FRMD3: variants seen among roughly 807,000 people sequenced by gnomAD.
FRMD3 encodes the protein FERM domain-containing protein 3.
FRMD3 carries 33 observed loss-of-function variants against 70.2 expected under a neutral mutation model. The ratio of observed to expected loss-of-function variants is 0.47; its 90% CI spans 0.36 to 0.63. The LOEUF (loss-of-function observed/expected upper bound fraction) is 0.63, where lower values mean the gene tolerates loss of function less well. Ranked by LOEUF, FRMD3 falls within the 20% of genes least tolerant of loss-of-function variation. FRMD3 has a pLI of 0.00. For missense variants in FRMD3, 632 were observed against 711.4 expected (o/e 0.89, Z 1.27); for synonymous variants, 279 against 255.9 (o/e 1.09, Z -0.86).
At chr9:83,395,309 G>A (rs867671655) in intron 1 of FRMD3, among the ~76,000 whole-genome samples, 1 of 149,696 alleles carries the variant, frequency 6.7e-6, no homozygotes, top group Non-Finnish European at 1.5e-5. Flanking sequence ...AAAAGACAAA[G>A]AACTCAATTC....
At chr9:83,262,197 T>C (rs1339920367) in intron 13 of FRMD3, among the ~76,000 whole-genome samples, 1 of 152,188 alleles carries the variant, frequency 6.6e-6, no homozygotes, top group African/African-American at 2.4e-5. Flanking sequence ...CAACTGTACA[T>C]AGGAACATCG....
intron 1 of FRMD3, among the ~76,000 whole-genome samples, chr9:83,404,253 A>C (rs4242622): frequency 0.27 from 41,554 of 152,162 alleles, 7,154 homozygotes; most frequent in Non-Finnish European, 0.38. Flanking sequence ...CTACACAGCA[A>C]CTCAAGCTGA....
At chr9:83,492,164 A>G (rs974657076) in intron 1 of FRMD3, among the ~76,000 whole-genome samples, 2 of 152,194 alleles carry the variant, frequency 1.3e-5, no homozygotes, top group African/African-American at 4.8e-5. Flanking sequence ...TCAGCCCTAC[A>G]TTCATTAATG....
chr9:83,520,224 C>G lies in FRMD3; in HGVS notation c.147+17861G>C, dbSNP rs114359912. Among the ~76,000 whole-genome samples the G allele has an allele frequency of 5.3e-3, 802 of 152,260 alleles. 9 individuals carry two copies. Among genetic ancestry groups the G allele is most frequent in the African/African-American group, 0.018 (738 of 41,546 alleles). On this transcript the variant is annotated intron_variant, in intron 1 of 13. Transcript: ENST00000304195. ...ACTCACCAGGCTAATTCCTTCCCCC[C>G]CTGGACTTCAGATGCTCCCTGAGAA... is the stretch of plus-strand genomic sequence containing the variant.
intron 1 of FRMD3, among the ~76,000 whole-genome samples, chr9:83,456,728 C>A (rs541568539): frequency 2.0e-5 from 3 of 152,202 alleles, no homozygotes; most frequent in Non-Finnish European, 4.4e-5. Context: ...ACCTGTAATC[C>A]CAGCACTTTG....
At chr9:83,449,257 T>C (rs550744160) in intron 1 of FRMD3, among the ~76,000 whole-genome samples, 62 of 152,302 alleles carry the variant, frequency 4.1e-4, no homozygotes, top group African/African-American at 1.5e-3. Context: ...ATTTTACAAT[T>C]TTGAAAACCT....
intron 13 of FRMD3, among the ~76,000 whole-genome samples, chr9:83,283,530 C>CA (rs765093024): frequency 2.7e-4 from 36 of 132,256 alleles, no homozygotes; most frequent in Middle Eastern, 7.2e-3. Flanking sequence ...GAATCCATCT[C>CA]AAAAAAAAAA....
intron 5 of FRMD3, among the ~76,000 whole-genome samples, chr9:83,339,795 T>C (rs748700498): frequency 2.6e-5 from 4 of 152,174 alleles, no homozygotes; most frequent in Non-Finnish European, 4.4e-5. Flanking sequence ...CCCTAGCAAC[T>C]TCTCAGGAAG....
intron 13 of FRMD3, among the ~76,000 whole-genome samples, chr9:83,251,132 C>A (rs1563973362): frequency 6.6e-6 from 1 of 152,172 alleles, no homozygotes; most frequent in African/African-American, 2.4e-5. Flanking sequence ...GTCAGTACAC[C>A]CCTGGGATGG....
intron 6 of FRMD3, among the ~76,000 whole-genome samples, chr9:83,322,436 A>G (rs1181309307): frequency 6.6e-6 from 1 of 152,160 alleles, no homozygotes; most frequent in Non-Finnish European, 1.5e-5. Context: ...GCAGCTCACA[A>G]CAAGGCAGTA....
intron 1 of FRMD3, among the ~76,000 whole-genome samples, chr9:83,501,116 G>A (rs1829058719): frequency 6.6e-6 from 1 of 152,152 alleles, no homozygotes; most frequent in African/African-American, 2.4e-5. Flanking sequence ...GATCTTACAT[G>A]ATACAACTAG....
chr9:83,424,144 G>A (rs1014437324), intron 1 of FRMD3, among the ~76,000 whole-genome samples: 2 of 152,182 alleles, frequency 1.3e-5, no homozygotes, highest in African/African-American at 4.8e-5. Flanking sequence ...GGATGCAGAC[G>A]GTCGTGGCCA....
In FRMD3 at chr9:83,331,815, TA is replaced by T; in HGVS notation, c.596+3700del. 7 of 717,036 alleles carry T rather than the reference TA, an allele frequency of 9.8e-6. No homozygotes were observed. The Middle Eastern group carries it at 1.6e-3, about 164-fold the overall frequency. The allele number at this position is 717,036 out of a possible 1,614,324, so 44.4% of individuals were successfully genotyped here. ...TTAGTCAATGAGTTGTGAGGGCCAT[TA>T]AGGGCTGGGTGCCCACTGTTTCCAG... On this transcript the variant is annotated intron_variant, in intron 6 of 13. Coordinates refer to ENST00000304195, the MANE Select transcript of FRMD3 (RefSeq NM_174938.6).
chr9:83,431,269 T>G (rs1340001865), intron 1 of FRMD3, among the ~76,000 whole-genome samples: 1 of 152,250 alleles, frequency 6.6e-6, no homozygotes, highest in African/African-American at 2.4e-5. Flanking sequence ...ATAATGTATT[T>G]CGTGTTTTGC....
chr9:83,345,817 G>A (rs1033095290), intron 4 of FRMD3, among the ~76,000 whole-genome samples: 3 of 152,014 alleles, frequency 2.0e-5, no homozygotes, highest in African/African-American at 7.2e-5. Context: ...ATGCTGTGGT[G>A]CAGCTCCATC....
At chr9:83,256,369 T>C (rs1363057028) in intron 13 of FRMD3, among the ~76,000 whole-genome samples, 1 of 152,104 alleles carries the variant, frequency 6.6e-6, no homozygotes, top group African/African-American at 2.4e-5. Context: ...AAAAACTAAC[T>C]TAAGATGGAT....
At chr9:83,372,539 T>G (rs1420945567) in intron 3 of FRMD3, among the ~76,000 whole-genome samples, 1 of 152,168 alleles carries the variant, frequency 6.6e-6, no homozygotes, top group Non-Finnish European at 1.5e-5. Flanking sequence ...TCTCCCATCT[T>G]CCTTAATACT....
chr9:83,483,819 C>T (rs1397716294), intron 1 of FRMD3, among the ~76,000 whole-genome samples: 1 of 152,112 alleles, frequency 6.6e-6, no homozygotes, highest in African/African-American at 2.4e-5. Context: ...GTGATCATAT[C>T]ACTGCACTCC....
chr9:83,401,307 G>A (rs17318424), intron 1 of FRMD3, among the ~76,000 whole-genome samples: 5,214 of 152,266 alleles, frequency 0.034, 105 homozygotes, highest in Non-Finnish European at 0.039. Flanking sequence ...ATTATTAACC[G>A]TTAGCGAGCA....
Sources: gnomAD v4.1 joint callset for allele counts (sites outside exome capture counted in the v4.1 genomes callset) on GRCh38, gnomAD v4.1.1 for gene constraint, MANE v1.5 for transcripts, NCBI Gene and HGNC (gene_info 2026-07-23, HGNC 2026-07-21) for gene names.